The following B4GALNT2 variants were observed in gnomAD, a reference collection of about 807,000 sequenced individuals.
The protein encoded by B4GALNT2 is beta-1,4-N-acetyl-galactosaminyltransferase 2 (SID blood group).
In B4GALNT2, 42 loss-of-function variants were observed where a neutral mutation model predicts 51.1. The ratio of observed to expected loss-of-function variants is 0.82; its 90% CI spans 0.64 to 1.06. The LOEUF (loss-of-function observed/expected upper bound fraction) is 1.06, where lower values mean the gene tolerates loss of function less well. B4GALNT2 is among the 50% of genes least tolerant of loss of function. The probability of loss-of-function intolerance (pLI) is 0.00; values close to 1 mark genes in which losing one functional copy is unlikely to be tolerated. For synonymous variants in B4GALNT2, 253 were observed against 251.7 expected (o/e 1.01, Z -0.05); for missense variants, 602 against 633.6 (o/e 0.95, Z 0.54).
At chr17:49,121,104 G>C in the B4GALNT2 span, among the ~76,000 whole-genome samples, 1 of 152,190 alleles carries the variant, frequency 6.6e-6, no homozygotes, top group African/African-American at 2.4e-5. Context: ...TGAATTTGAA[G>C]AAGAGGAAGG....
Position 49,152,805 on chromosome 17 carries a change from G to T in B4GALNT2, c.359G>T (p.Gly120Val). 6.3e-7 allele frequency: 1 copy of T among 1,596,826 alleles called. No homozygotes were observed. The change falls in exon 4 of 11, where the codon GGG becomes GTG. Residue 120 changes from glycine to valine, a missense_variant. Coordinates refer to ENST00000393354, the MANE Select transcript of B4GALNT2 (RefSeq NM_001159387.2). ...AEFEHFQRRE[G>V]LPRPLPLLVQ... The stretch of plus-strand genomic sequence containing the variant: ...TTCTGTTCTCCTTCCTGCAGAGAAG[G>T]GCTGCCCCGCCCACTGCCCCTGCTG...
intron 3 of B4GALNT2, among the ~76,000 whole-genome samples, chr17:49,146,693 C>T (rs1161906488): frequency 1.3e-5 from 2 of 152,182 alleles, no homozygotes; most frequent in African/African-American, 4.8e-5. Flanking sequence ...TCTAAACATT[C>T]CTGTCTGATT....
At chr17:49,125,184 A>C in the B4GALNT2 span, among the ~76,000 whole-genome samples, 3,170 of 152,026 alleles carry the variant, frequency 0.021, 108 homozygotes, top group African/African-American at 0.072. Flanking sequence ...TTTGAGATGG[A>C]GTTTCACTCT....
At chr17:49,140,614 G>T (rs1364126660) in intron 1 of B4GALNT2, among the ~76,000 whole-genome samples, 1 of 151,448 alleles carries the variant, frequency 6.6e-6, no homozygotes, top group Non-Finnish European at 1.5e-5. Flanking sequence ...AAAAGTTCAC[G>T]GCTATCTGTT....
intron 6 of B4GALNT2, among the ~76,000 whole-genome samples, chr17:49,159,497 A>T (rs1214147565): frequency 6.6e-6 from 1 of 152,034 alleles, no homozygotes; most frequent in Admixed American, 6.6e-5. Flanking sequence ...ACCTGCCACC[A>T]TGCCCGGCTA....
chr17:49,157,797 A>G (rs1052195955), intron 5 of B4GALNT2, among the ~76,000 whole-genome samples: 2 of 152,162 alleles, frequency 1.3e-5, no homozygotes, highest in Non-Finnish European at 2.9e-5. Context: ...CTGGACCTGA[A>G]TTCCCTGCTG....
chr17:49,139,477 C>T (rs1301758462), intron 1 of B4GALNT2, among the ~76,000 whole-genome samples: 2 of 152,150 alleles, frequency 1.3e-5, no homozygotes, highest in African/African-American at 4.8e-5. Flanking sequence ...CCGCCTGCCT[C>T]GGCCCCCCAA....
At chr17:49,141,140 TA>T in intron 1 of B4GALNT2, 106 bp from the exon 2 acceptor site, 1 of 1,059,922 alleles carries the variant, frequency 9.4e-7, no homozygotes, top group Non-Finnish European at 1.5e-6. Context: ...GTGACCAATA[TA>T]AGCTATGTGC....
At position 49,174,988 on chromosome 17, in the gene B4GALNT2, A is replaced by T. The variant is rs2042978718; in HGVS notation, c.*5260A>T. ...CATTGTTGTAACAAATCTCTTTCCC[A>T]TAAATGTATAGGTACAGAAGTTATA... On this transcript the variant is annotated 3_prime_UTR_variant, in exon 11 of 11. Coordinates refer to ENST00000393354, the MANE Select transcript of B4GALNT2 (RefSeq NM_001159387.2). The T allele has an allele frequency of 6.6e-6, 1 of 152,174 alleles. No homozygotes were observed. Among genetic ancestry groups the T allele is most frequent in the Non-Finnish European group, 1.5e-5 (1 of 68,022 alleles). 9.4% of individuals were successfully genotyped at this position (152,174 alleles called of 1,614,324 possible). A position where few individuals can be genotyped will look rare whatever the true frequency, so the allele number is the denominator to read the frequency against.
chr17:49,166,461 T>C (rs1411225034), intron 9 of B4GALNT2, among the ~76,000 whole-genome samples: 3 of 152,116 alleles, frequency 2.0e-5, no homozygotes, highest in Non-Finnish European at 4.4e-5. Context: ...TGACTTTTCT[T>C]TGAGTAAATT....
At position 49,171,898 on chromosome 17, in the gene B4GALNT2, T is replaced by G; in HGVS notation, c.*2170T>G. On this transcript the variant is annotated 3_prime_UTR_variant, in exon 11 of 11. Transcript: ENST00000393354. Reference sequence around the variant, plus strand: ...CTTTGCCTCAATTATAGGAGCAGATTTATTATGGTAAATATTAAGAGCAGA... The same window carrying G: ...CTTTGCCTCAATTATAGGAGCAGATGTATTATGGTAAATATTAAGAGCAGA... The G allele has an allele frequency of 3.2e-6, 1 of 311,676 alleles. No homozygotes were observed. Among genetic ancestry groups the G allele is most frequent in the South Asian group, 2.8e-5 (1 of 36,150 alleles). The allele number at this position is 311,676 out of a possible 1,614,324, so 19.3% of individuals were successfully genotyped here. A position where few individuals can be genotyped will look rare whatever the true frequency, so the allele number is the denominator to read the frequency against.
At chr17:49,140,565 T>A (rs1187046555) in intron 1 of B4GALNT2, among the ~76,000 whole-genome samples, 1 of 152,322 alleles carries the variant, frequency 6.6e-6, no homozygotes, top group East Asian at 1.9e-4. Context: ...TATCCTGCCA[T>A]TTTTTACTTT....
the B4GALNT2 span, among the ~76,000 whole-genome samples, chr17:49,123,327 T>C: frequency 6.6e-6 from 1 of 152,358 alleles, no homozygotes; most frequent in African/African-American, 2.4e-5. Flanking sequence ...ACAGCTAGTT[T>C]TCAGTTCATA....
At chr17:49,167,023 G>T (rs192811990) in intron 9 of B4GALNT2, among the ~76,000 whole-genome samples, 71 of 152,134 alleles carry the variant, frequency 4.7e-4, no homozygotes, top group Non-Finnish European at 9.3e-4. Context: ...AAAGAAAAAG[G>T]GGCATGGATG....
intron 1 of B4GALNT2, among the ~76,000 whole-genome samples, chr17:49,134,640 T>G (rs2042574177): frequency 1.3e-5 from 2 of 152,168 alleles, no homozygotes; most frequent in East Asian, 3.9e-4. Context: ...CAGGCTGGAG[T>G]GCAGTGGCGC....
At chr17:49,123,779 A>G in the B4GALNT2 span, among the ~76,000 whole-genome samples, 1 of 152,166 alleles carries the variant, frequency 6.6e-6, no homozygotes, top group Admixed American at 6.5e-5. Context: ...TTTACTTACC[A>G]CAGATCAGAA....
At chr17:49,167,511 A>C (rs978047191) in intron 9 of B4GALNT2, among the ~76,000 whole-genome samples, 1 of 151,696 alleles carries the variant, frequency 6.6e-6, no homozygotes, top group Non-Finnish European at 1.5e-5. Context: ...GCTTATACAC[A>C]TGTATTACGT....
At chr17:49,137,679 A>G (rs531952124) in intron 1 of B4GALNT2, among the ~76,000 whole-genome samples, 76 of 152,302 alleles carry the variant, frequency 5.0e-4, no homozygotes, top group Middle Eastern at 3.4e-3. Flanking sequence ...TATTCTGCAC[A>G]AGAAAAAAAC....
At chr17:49,132,725 C>T (rs2042550475), upstream of B4GALNT2, 4 of 1,377,706 alleles carry the variant, frequency 2.9e-6, no homozygotes, top group African/African-American at 1.5e-5. Flanking sequence ...GGTGCCAGGG[C>T]GGGGCAGTCG....
Sources: gnomAD v4.1 joint callset for allele counts (sites outside exome capture counted in the v4.1 genomes callset) on GRCh38, gnomAD v4.1.1 for gene constraint, MANE v1.5 for transcripts, NCBI Gene and HGNC (gene_info 2026-07-23, HGNC 2026-07-21) for gene names.